The following TCF20 variants were observed in gnomAD, a reference collection of about 807,000 sequenced individuals.
TCF20 encodes the protein transcription factor 20, also known as SPRE-binding protein.
TCF20 carries 3 observed loss-of-function variants against 148.6 expected under a neutral mutation model. The ratio of observed to expected loss-of-function variants is 0.02; its 90% confidence interval spans 0.01 to 0.05. The LOEUF is 0.05. TCF20 is among the 10% of genes least tolerant of loss of function. The probability of loss-of-function intolerance (pLI) is 1.00; values close to 1 mark genes in which losing one functional copy is unlikely to be tolerated. For missense variants in TCF20, 2,350 were observed against 2,429.3 expected (o/e 0.97, Z 0.69); for synonymous variants, 1,049 against 909.5 (o/e 1.15, Z -2.76).
In TCF20 at chr22:42,317,877, C is replaced by T. The variant is rs934755851; in HGVS notation, c.-37+25602G>A. Among the ~76,000 whole-genome samples the T allele has an allele frequency of 5.3e-5, 8 of 152,208 alleles. No homozygotes were observed. The highest frequency in any genetic ancestry group is 5.9e-5 in the Non-Finnish European group (4 of 68,014). Reference sequence around the variant, plus strand: ...GAGCCAGTAAGAGCCAGATCCCACTCGAGCCCAGGCGGGGCACCCTCCTGG... The same window carrying T: ...GAGCCAGTAAGAGCCAGATCCCACTTGAGCCCAGGCGGGGCACCCTCCTGG... On this transcript the variant is annotated intron_variant, in intron 1 of 1. Transcript: ENST00000515426. The surrounding 1 kb of genome is among the most constrained non-coding windows in gnomAD (Gnocchi z 4.2).
intron 2 of TCF20, among the ~76,000 whole-genome samples, chr22:42,190,908 T>C (rs148341813): frequency 0.014 from 2,142 of 152,348 alleles, 35 homozygotes; most frequent in Middle Eastern, 0.02. Flanking sequence ...ACTGCAGATA[T>C]GGTAGGCAGA....
At chr22:42,265,105 G>A (rs1011809102) in intron 1 of TCF20, among the ~76,000 whole-genome samples, 4 of 152,154 alleles carry the variant, frequency 2.6e-5, no homozygotes, top group Non-Finnish European at 1.5e-5. Context: ...GCTGGGTCAC[G>A]CATATTACCC....
At chr22:42,185,775 G>A (rs370256205) in intron 2 of TCF20, among the ~76,000 whole-genome samples, 1 of 152,132 alleles carries the variant, frequency 6.6e-6, no homozygotes, top group African/African-American at 2.4e-5. Flanking sequence ...AGAGCTAGAC[G>A]ATCTCCTTAC....
chr22:42,202,436 T>TA (rs1399588187), intron 2 of TCF20, among the ~76,000 whole-genome samples: 1 of 152,216 alleles, frequency 6.6e-6, no homozygotes, highest in Non-Finnish European at 1.5e-5. Flanking sequence ...GCACAGAGGT[T>TA]AAGTGACTTG....
chr22:42,270,745 G>A (rs1330210912), upstream of TCF20, among the ~76,000 whole-genome samples: 6 of 143,850 alleles, frequency 4.2e-5, no homozygotes, highest in African/African-American at 1.2e-4. Context: ...CGGGGCGCGC[G>A]GCGGGGGCGG....
chr22:42,229,811 G>A (rs1001510382), intron 1 of TCF20, among the ~76,000 whole-genome samples: 1 of 152,130 alleles, frequency 6.6e-6, no homozygotes, highest in African/African-American at 2.4e-5. Flanking sequence ...TCCCCAAACA[G>A]CTACAGCACT....
upstream of TCF20, among the ~76,000 whole-genome samples, chr22:42,286,587 A>G (rs1209551439): frequency 6.6e-6 from 1 of 152,236 alleles, no homozygotes; most frequent in African/African-American, 2.4e-5. Flanking sequence ...GCGGCCAGCA[A>G]GATTACTTTA....
At chr22:42,261,827 C>A (rs997407315) in intron 1 of TCF20, among the ~76,000 whole-genome samples, 1 of 152,128 alleles carries the variant, frequency 6.6e-6, no homozygotes, top group Non-Finnish European at 1.5e-5. Flanking sequence ...CCTGTCTCTA[C>A]TAAAAATACA....
At chr22:42,170,964 C>T (rs1219130134) in intron 3 of TCF20, among the ~76,000 whole-genome samples, 2 of 152,184 alleles carry the variant, frequency 1.3e-5, no homozygotes, top group African/African-American at 4.8e-5. Context: ...ACAGAAGCCT[C>T]CAACACAAAT....
At chr22:42,222,031 C>T (rs1922423913) in intron 1 of TCF20, among the ~76,000 whole-genome samples, 2 of 152,080 alleles carry the variant, frequency 1.3e-5, no homozygotes, top group South Asian at 4.2e-4. Flanking sequence ...AGCCACCGCG[C>T]CCGGCCCCAT....
At chr22:42,254,906 G>A (rs965371595) in intron 1 of TCF20, among the ~76,000 whole-genome samples, 1 of 134,380 alleles carries the variant, frequency 7.4e-6, no homozygotes, top group Non-Finnish European at 1.5e-5. Context: ...CAGAGCTTGA[G>A]AAGAGATGGC....
chr22:42,271,360 G>A (rs1011129651), upstream of TCF20, among the ~76,000 whole-genome samples: 40 of 152,256 alleles, frequency 2.6e-4, no homozygotes, highest in Admixed American at 3.3e-4. Context: ...GCAATGCCAG[G>A]CTGACTGCGC....
At chr22:42,187,192 A>C (rs1937085437) in intron 2 of TCF20, among the ~76,000 whole-genome samples, 1 of 152,142 alleles carries the variant, frequency 6.6e-6, no homozygotes, top group African/African-American at 2.4e-5. Context: ...ACTATTCCTT[A>C]CAACACACTT....
At chr22:42,274,086 C>T (rs1926715172), upstream of TCF20, 1 of 152,712 alleles carries the variant, frequency 6.5e-6, no homozygotes, top group Non-Finnish European at 1.5e-5. Context: ...CTCCAGCTCT[C>T]CTTCCTCTTG....
At position 42,212,363 on chromosome 22, in the gene TCF20, T is replaced by C; in HGVS notation, c.2943A>G (p.Gln981=). The C allele has an allele frequency of 6.2e-7, 1 of 1,614,234 alleles. No homozygotes were observed. The highest frequency in any genetic ancestry group is 8.5e-7 in the Non-Finnish European group (1 of 1,180,030). Residue 981 remains glutamine, a synonymous_variant, in exon 2 of 6, where the codon CAA becomes CAG. Transcript: ENST00000677622. ...GCCGCATTGGCGTGGGTCTGCTGTC[T>C]TGCGGGCCATAGTCTGAAAGGGAAT... The part of the protein sequence containing the change: ...THDSLSDYGP[Q]DSRPTPMRRV...
rs1935448519 is a variant in TCF20, at chr22:42,161,361, G to GTGCTTGCTGTCCTTTCCATTCCCAC, written c.*45-4_*45-3insGTGGGAATGGAAAGGACAGCAAGCA. On this transcript the variant is annotated splice_polypyrimidine_tract_variant and splice_region_variant and intron_variant, in intron 5 of 5. Coordinates refer to ENST00000677622, the MANE Select transcript of TCF20 (RefSeq NM_001378418.1). Reference sequence around the variant, plus strand: ...CCTTCTCATCTCCACAGTCTCACCTGGAAGACAAGGGACACACAGTGAAGG... The same window carrying GTGCTTGCTGTCCTTTCCATTCCCAC: ...CCTTCTCATCTCCACAGTCTCACCTGTGCTTGCTGTCCTTTCCATTCCCACGAAGACAAGGGACACACAGTGAAGG... 1 of 1,613,976 alleles carries GTGCTTGCTGTCCTTTCCATTCCCAC rather than the reference G, an allele frequency of 6.2e-7. No individual in the cohort carries two copies. Among genetic ancestry groups the GTGCTTGCTGTCCTTTCCATTCCCAC allele is most frequent in the Non-Finnish European group, 8.5e-7 (1 of 1,179,984 alleles).
intron 2 of TCF20, among the ~76,000 whole-genome samples, chr22:42,191,477 C>T (rs1389435298): frequency 6.6e-6 from 1 of 152,060 alleles, no homozygotes. Flanking sequence ...TTAGTAGAGA[C>T]GGGGTTTCAC....
chr22:42,317,119 G>A lies in TCF20; in HGVS notation c.-37+26360C>T, dbSNP rs891025143. ...GCAACACTATCCGTCTGCCTCCCCT[G>A]CAGACTGAGCGCTCTGTGTGCTTGG... On this transcript the variant is annotated intron_variant, in intron 1 of 1. Transcript: ENST00000515426. The surrounding 1 kb of genome is among the most constrained non-coding windows in gnomAD (Gnocchi z 4.2). 1.3e-5 allele frequency among the ~76,000 whole-genome samples: 2 copies of A among 152,146 alleles called. No individual in the cohort carries two copies. Among genetic ancestry groups the A allele is most frequent in the Non-Finnish European group, 2.9e-5 (2 of 68,036 alleles).
At chr22:42,335,071 G>C (rs922104724) in intron 1 of TCF20, among the ~76,000 whole-genome samples, 3 of 152,086 alleles carry the variant, frequency 2.0e-5, no homozygotes, top group Admixed American at 6.6e-5. Context: ...CTGGGACCTG[G>C]GCTCCACAGA....
Sources: gnomAD v4.1 joint callset for allele counts (sites outside exome capture counted in the v4.1 genomes callset) on GRCh38, gnomAD v4.1.1 for gene constraint, Gnocchi (gnomAD v3.1) non-coding constraint, MANE v1.5 for transcripts, NCBI Gene and HGNC (gene_info 2026-07-23, HGNC 2026-07-21) for gene names.